Variants in XRCC4 observed in about 807,000 individuals in gnomAD.
XRCC4 encodes the protein DNA repair protein XRCC4.
In XRCC4, 28 loss-of-function variants were observed where a neutral mutation model predicts 39.1. The observed-to-expected ratio is 0.72, with a 90% CI of 0.53 to 0.98. The LOEUF is 0.98. Ranked by LOEUF, XRCC4 falls within the 50% of genes least tolerant of loss-of-function variation. XRCC4 has a pLI of 0.00. For missense variants in XRCC4, 350 were observed against 376.4 expected (o/e 0.93, Z 0.58); for synonymous variants, 123 against 126.4 (o/e 0.97, Z 0.18).
At chr5:83,208,299 G>A (rs1036148203) in intron 6 of XRCC4, among the ~76,000 whole-genome samples, 1 of 151,906 alleles carries the variant, frequency 6.6e-6, no homozygotes. Context: ...TTTTCATTTG[G>A]TAGTTATGCT....
At chr5:83,164,080 G>C (rs61570337) in intron 3 of XRCC4, among the ~76,000 whole-genome samples, 2,282 of 152,166 alleles carry the variant, frequency 0.015, 66 homozygotes, top group African/African-American at 0.052. Flanking sequence ...AAACCTATTG[G>C]ATGTTAACTT....
chr5:83,118,292 C>T (rs1414518750), intron 3 of XRCC4, among the ~76,000 whole-genome samples: 1 of 151,550 alleles, frequency 6.6e-6, no homozygotes, highest in African/African-American at 2.4e-5. Context: ...TGATCATGTT[C>T]CCTTGGCTTT....
intron 7 of XRCC4, among the ~76,000 whole-genome samples, chr5:83,292,675 G>A (rs1754958321): frequency 6.6e-6 from 1 of 151,796 alleles, no homozygotes; most frequent in Non-Finnish European, 1.5e-5. Flanking sequence ...TATTCTCACT[G>A]TTACAGGCTA....
intron 7 of XRCC4, among the ~76,000 whole-genome samples, chr5:83,336,562 A>G (rs1756600346): frequency 6.6e-6 from 1 of 152,192 alleles, no homozygotes; most frequent in South Asian, 2.1e-4. Flanking sequence ...AATTATCAAG[A>G]AAGAAGTATG....
chr5:83,256,572 A>G (rs1753547436), intron 6 of XRCC4, among the ~76,000 whole-genome samples: 1 of 151,948 alleles, frequency 6.6e-6, no homozygotes, highest in Admixed American at 6.6e-5. Context: ...ACAAGCATAT[A>G]CTTGTACTTT....
At chr5:83,168,728 C>A (rs1021170492) in intron 3 of XRCC4, among the ~76,000 whole-genome samples, 1 of 152,034 alleles carries the variant, frequency 6.6e-6, no homozygotes, top group African/African-American at 2.4e-5. Context: ...CACAAAAACA[C>A]AAACACAAGA....
At chr5:83,103,025 T>TATATATATATATATATATATATATAC (rs943955057) in intron 1 of XRCC4, among the ~76,000 whole-genome samples, 68 of 142,658 alleles carry the variant, frequency 4.8e-4, no homozygotes, top group African/African-American at 1.8e-3. Flanking sequence ...TATATATATA[T>TATATATATATATATATATATATATAC]ATATATGTCA....
chr5:83,303,339 G>T (rs931968611), intron 7 of XRCC4, among the ~76,000 whole-genome samples: 4 of 151,922 alleles, frequency 2.6e-5, no homozygotes, highest in Non-Finnish European at 5.9e-5. Flanking sequence ...TTATTTATGC[G>T]CAGAGAAAAG....
rs28360226 is a variant in XRCC4 at position 83,256,935 on chromosome 5, T to A, written c.746-1595T>A. ...GAAGATAGTAATAATAAGTACTTTA[T>A]GAAGTAATTTTAAGGATTAACAAGG... On this transcript the variant is annotated intron_variant, in intron 6 of 7. Coordinates refer to ENST00000396027, the MANE Select transcript of XRCC4 (RefSeq NM_003401.5). Among the ~76,000 whole-genome samples the A allele has an allele frequency of 1.3e-4, 20 of 152,244 alleles. No individual in the cohort carries two copies. In the East Asian group the frequency reaches 3.3e-3, roughly 25 times the overall value.
chr5:83,285,485 C>T (rs967994074), intron 7 of XRCC4, among the ~76,000 whole-genome samples: 8 of 152,044 alleles, frequency 5.3e-5, no homozygotes, highest in Admixed American at 4.6e-4. Flanking sequence ...ATGGAAGAGT[C>T]GCTGCTGTTT....
At chr5:83,132,241 G>A (rs1182083982) in intron 3 of XRCC4, among the ~76,000 whole-genome samples, 1 of 152,112 alleles carries the variant, frequency 6.6e-6, no homozygotes, top group Admixed American at 6.6e-5. Context: ...AGTTTCTGCT[G>A]AGAGATCCGC....
At chr5:83,192,158 T>TTA (rs571672763) in intron 3 of XRCC4, among the ~76,000 whole-genome samples, 22 of 149,850 alleles carry the variant, frequency 1.5e-4, no homozygotes, top group Non-Finnish European at 2.1e-4. Flanking sequence ...CTATGATTCT[T>TTA]TATATATATA....
At chr5:83,206,479 G>T (rs922095690) in intron 6 of XRCC4, among the ~76,000 whole-genome samples, 1 of 152,028 alleles carries the variant, frequency 6.6e-6, no homozygotes, top group Non-Finnish European at 1.5e-5. Context: ...CGTTATTAAG[G>T]ATCTTAATAG....
rs1561396369 is a variant in XRCC4 at position 83,195,909 on chromosome 5, T to C, written c.455T>C (p.Leu152Pro). ...EHLQKENERL[L>P]RDWNDVQGRF... ...CTGCAGAAAGAAAATGAAAGGCTTCTGAGAGATTGGAATGATGTTCAAGGA... is the reference window on the plus strand; with the variant it reads ...CTGCAGAAAGAAAATGAAAGGCTTCCGAGAGATTGGAATGATGTTCAAGGA... Residue 152 changes from leucine to proline, a missense_variant, in exon 4 of 8, where the codon CTG becomes CCG. Coordinates refer to ENST00000396027, the MANE Select transcript of XRCC4 (RefSeq NM_003401.5). 1 of 1,611,100 alleles carries C rather than the reference T, an allele frequency of 6.2e-7. No individual in the cohort carries two copies. The highest frequency in any genetic ancestry group is 1.1e-5 in the South Asian group (1 of 90,686).
At chr5:83,156,909 A>G in intron 3 of XRCC4, among the ~76,000 whole-genome samples, 1 of 152,062 alleles carries the variant, frequency 6.6e-6, no homozygotes, top group East Asian at 1.9e-4. Flanking sequence ...CTAAATGTGG[A>G]CGTATAAAAC....
chr5:83,273,306 A>G (rs1754206031), intron 7 of XRCC4, among the ~76,000 whole-genome samples: 1 of 152,182 alleles, frequency 6.6e-6, no homozygotes, highest in Admixed American at 6.5e-5. Flanking sequence ...AGTTCCTTGT[A>G]GATTCTGGAT....
At chr5:83,347,407 C>T (rs1207052694) in intron 7 of XRCC4, among the ~76,000 whole-genome samples, 1 of 151,988 alleles carries the variant, frequency 6.6e-6, no homozygotes, top group Non-Finnish European at 1.5e-5. Context: ...GCTGGGGAGG[C>T]CTCAGGAAAC....
At chr5:83,168,924 G>A (rs1749604833) in intron 3 of XRCC4, among the ~76,000 whole-genome samples, 1 of 152,112 alleles carries the variant, frequency 6.6e-6, no homozygotes, top group Non-Finnish European at 1.5e-5. Flanking sequence ...CTAAGAAAGA[G>A]GGTGTATAAC....
intron 7 of XRCC4, among the ~76,000 whole-genome samples, chr5:83,263,457 A>G (rs1753836754): frequency 6.6e-6 from 1 of 150,420 alleles, no homozygotes; most frequent in Non-Finnish European, 1.5e-5. Context: ...TTACAGTCCC[A>G]CCAACAGTGT....
Sources: gnomAD v4.1 joint callset for allele counts (sites outside exome capture counted in the v4.1 genomes callset) on GRCh38, gnomAD v4.1.1 for gene constraint, MANE v1.5 for transcripts, NCBI Gene and HGNC (gene_info 2026-07-23, HGNC 2026-07-21) for gene names.